The following IFT52 variants were observed in gnomAD, a reference collection of about 807,000 sequenced individuals.
IFT52 encodes the protein intraflagellar transport 52.
IFT52 carries 44 observed loss-of-function variants against 54.4 expected under a neutral mutation model. The observed-to-expected ratio is 0.81, with a 90% CI of 0.63 to 1.04. The LOEUF is 1.04. Ranked by LOEUF, IFT52 falls within the 50% of genes least tolerant of loss-of-function variation. IFT52 has a pLI of 0.00. For synonymous variants in IFT52, 181 were observed against 185.3 expected (o/e 0.98, Z 0.19); for missense variants, 452 against 523.6 (o/e 0.86, Z 1.33).
chr20:43,596,171 T>C (rs1981943952), intron 2 of IFT52, among the ~76,000 whole-genome samples: 1 of 152,222 alleles, frequency 6.6e-6, no homozygotes, highest in South Asian at 2.1e-4. Flanking sequence ...ATTGAATTAG[T>C]AGTTGCAGAC....
chr20:43,604,053 C>T (rs1982664143), intron 4 of IFT52, 130 bp from the exon 5 acceptor site: 1 of 955,352 alleles, frequency 1.0e-6, no homozygotes, highest in Non-Finnish European at 1.6e-6. Flanking sequence ...GCTTGGGCTG[C>T]TTCCATTTAT....
rs897739238 is a variant in IFT52 at position 43,596,423 on chromosome 20, T to C, written c.120-12T>C. ...ATGGACTTCATATTTGCTTTTAAAA[T>C]TGTATTTCCAGCTTAAAAGATGAAA... On this transcript the variant is annotated splice_polypyrimidine_tract_variant and intron_variant, in intron 2 of 13. Transcript: ENST00000373030. 1 of 1,526,744 alleles carries C rather than the reference T, an allele frequency of 6.5e-7. No homozygotes were observed. Among genetic ancestry groups the C allele is most frequent in the African/African-American group, 1.4e-5 (1 of 73,022 alleles). The allele number at this position is 1,526,744 out of a possible 1,614,324, so 94.6% of individuals were successfully genotyped here.
chr20:43,623,820 A>G, intron 9 of IFT52, 71 bp from the exon 10 acceptor site: 1 of 1,490,086 alleles, frequency 6.7e-7, no homozygotes, highest in Non-Finnish European at 9.2e-7. Context: ...TTTAGACCTG[A>G]GACAGTGGAG....
Position 43,604,228 on chromosome 20 carries a change from A to G in IFT52, c.383A>G (p.Glu128Gly). 1 of 1,612,030 alleles carries G rather than the reference A, an allele frequency of 6.2e-7. No individual in the cohort carries two copies. Among genetic ancestry groups the G allele is most frequent in the Non-Finnish European group, 8.5e-7 (1 of 1,178,100 alleles). Residue 128 changes from glutamate (E) to glycine (G), a missense_variant, in exon 5 of 14, where the codon GAA becomes GGA. Physicochemically the swap from Glu to Gly is moderately conservative, Grantham distance 98. Transcript: ENST00000373030. ...NVYHKYFHPK[E>G]ALVSSGVLNR... ...TATCACAAATATTTCCATCCTAAAG[A>G]AGCTCTAGTTTCCAGTGGAGTCTTG...
intron 12 of IFT52, among the ~76,000 whole-genome samples, chr20:43,639,216 T>A (rs1985744313): frequency 1.5e-5 from 2 of 137,084 alleles, no homozygotes; most frequent in African/African-American, 2.8e-5. Flanking sequence ...TAAGCCTGGG[T>A]CACATAGACC....
intron 10 of IFT52, among the ~76,000 whole-genome samples, chr20:43,628,866 A>AT (rs1984949825): frequency 6.6e-6 from 1 of 151,136 alleles, no homozygotes; most frequent in South Asian, 2.1e-4. Flanking sequence ...AAAAAAAAAA[A>AT]TTGCCAAAGA....
At chr20:43,592,462 C>T (rs1422359638) in intron 1 of IFT52, among the ~76,000 whole-genome samples, 4 of 150,012 alleles carry the variant, frequency 2.7e-5, no homozygotes, top group South Asian at 2.1e-4. Context: ...TAGTCCCAGC[C>T]GCTTGGGAGG....
rs547108573 is a variant in IFT52, at chr20:43,612,034, A to AAAT, written c.486-1796_486-1794dup. On this transcript the variant is annotated intron_variant, in intron 6 of 13. Coordinates refer to ENST00000373030, the MANE Select transcript of IFT52 (RefSeq NM_016004.5). ...GATAAGAGCAAAACTCCATCTCGAA[A>AAAT]AATAATAATAATAATAATAATAGCA... Among the ~76,000 whole-genome samples the AAAT allele has an allele frequency of 7.9e-3, 1,204 of 151,574 alleles. 22 individuals carry two copies. The highest frequency in any genetic ancestry group is 0.026 in the African/African-American group (1,093 of 41,302).
At chr20:43,639,903 C>T (rs772421856) in intron 12 of IFT52, among the ~76,000 whole-genome samples, 5 of 151,982 alleles carry the variant, frequency 3.3e-5, no homozygotes, top group South Asian at 2.1e-4. Context: ...AGCCTGGGTG[C>T]GATGGCTCAC....
chr20:43,622,686 T>G (rs1984401459), intron 9 of IFT52, among the ~76,000 whole-genome samples: 1 of 147,286 alleles, frequency 6.8e-6, no homozygotes, highest in Non-Finnish European at 1.5e-5. Context: ...ATATACATAT[T>G]TTATGTAAAT....
At chr20:43,603,645 TA>T in intron 3 of IFT52, 114 bp from the exon 4 acceptor site, 2 of 921,466 alleles carry the variant, frequency 2.2e-6, no homozygotes, top group Non-Finnish European at 3.3e-6. Flanking sequence ...CATTTATATG[TA>T]AATGCCTTAT....
chr20:43,597,752 G>A (rs951951033), intron 3 of IFT52, among the ~76,000 whole-genome samples: 2 of 151,958 alleles, frequency 1.3e-5, no homozygotes, highest in African/African-American at 4.8e-5. Flanking sequence ...AAATTAGCCG[G>A]GCGTGATGGT....
chr20:43,603,981 A>G, intron 4 of IFT52, 92 bp downstream of exon 4: 1 of 1,045,462 alleles, frequency 9.6e-7, no homozygotes. Context: ...TAATGGAAAA[A>G]GCCCTGGGCT....
In IFT52 at chr20:43,647,197, G is replaced by A. The variant is rs1340600981; in HGVS notation, c.*214G>A. 1.8e-6 allele frequency: 1 copy of A among 558,438 alleles called. No individual in the cohort carries two copies. Among genetic ancestry groups the A allele is most frequent in the Non-Finnish European group, 3.2e-6 (1 of 316,352 alleles). 34.6% of individuals were successfully genotyped at this position (558,438 alleles called of 1,614,324 possible). ...TTCCATTTTTAAAAATTAAATGTAT[G>A]GTTGCATCTGTCTTTTTATACCCTA... On this transcript the variant is annotated 3_prime_UTR_variant, in exon 14 of 14. Transcript: ENST00000373030.
chr20:43,621,802 C>T (rs6030990), intron 9 of IFT52, among the ~76,000 whole-genome samples: 128,647 of 152,246 alleles, frequency 0.84, 54,582 homozygotes, highest in African/African-American at 0.93. Context: ...CACTAATACC[C>T]GTGTTCTCTG....
intron 3 of IFT52, among the ~76,000 whole-genome samples, chr20:43,599,969 G>C (rs574282589): frequency 6.6e-6 from 1 of 152,114 alleles, no homozygotes; most frequent in African/African-American, 2.4e-5. Flanking sequence ...CATTAAAAAA[G>C]TAAAGCAATA....
At chr20:43,626,926 A>G (rs556205021) in intron 10 of IFT52, among the ~76,000 whole-genome samples, 1 of 152,266 alleles carries the variant, frequency 6.6e-6, no homozygotes, top group South Asian at 2.1e-4. Flanking sequence ...GCACTTTGGG[A>G]GGCCGAGGTG....
intron 10 of IFT52, among the ~76,000 whole-genome samples, chr20:43,627,168 GAAAA>G (rs955747034): frequency 2.1e-5 from 3 of 141,232 alleles, no homozygotes; most frequent in African/African-American, 8.0e-5. Flanking sequence ...CTCCATCTCA[GAAAA>G]AAAAAAAAAG....
chr20:43,643,509 C>T (rs73907879), intron 13 of IFT52, among the ~76,000 whole-genome samples: 2,492 of 56,442 alleles, frequency 0.044, 1,045 homozygotes, highest in African/African-American at 0.094. Flanking sequence ...AAAAATAGAG[C>T]TGGGTAAGAG....
Sources: gnomAD v4.1 joint callset for allele counts (sites outside exome capture counted in the v4.1 genomes callset) on GRCh38, gnomAD v4.1.1 for gene constraint, MANE v1.5 for transcripts, NCBI Gene and HGNC (gene_info 2026-07-23, HGNC 2026-07-21) for gene names.